The following CARM1 variants were observed in gnomAD, a reference collection of about 807,000 sequenced individuals.
CARM1 encodes histone-arginine methyltransferase CARM1.
In CARM1, 14 loss-of-function variants were observed where a neutral mutation model predicts 72.7. The ratio of observed to expected loss-of-function variants is 0.19; its 90% CI spans 0.13 to 0.30. The LOEUF is 0.30. Ranked by LOEUF, CARM1 falls within the 10% of genes least tolerant of loss-of-function variation. CARM1 has a pLI of 1.00. For missense variants in CARM1, 432 were observed against 833.7 expected (o/e 0.52, Z 5.93); for synonymous variants, 333 against 345.5 (o/e 0.96, Z 0.40).
intron 1 of CARM1, among the ~76,000 whole-genome samples, chr19:10,881,949 CACTT>C (rs536907490): frequency 5.7e-4 from 87 of 151,994 alleles, no homozygotes; most frequent in African/African-American, 2.0e-3. Context: ...AATCAGCAAT[CACTT>C]AAAACAAGCT....
At chr19:10,889,645 C>A (rs114654481) in intron 1 of CARM1, among the ~76,000 whole-genome samples, 2,690 of 152,084 alleles carry the variant, frequency 0.018, 92 homozygotes, top group African/African-American at 0.062. Flanking sequence ...TGTTTATTAC[C>A]TTCTGTAATC....
intron 2 of CARM1, among the ~76,000 whole-genome samples, chr19:10,906,695 C>T (rs1568353305): frequency 6.6e-6 from 1 of 151,956 alleles, no homozygotes; most frequent in Admixed American, 6.6e-5. Flanking sequence ...GAACTCCTGA[C>T]CTCAGGTAAT....
intron 3 of CARM1, chr19:10,908,837 T>A (rs890449460): frequency 2.9e-6 from 1 of 347,754 alleles, no homozygotes; most frequent in Non-Finnish European, 5.4e-6. Flanking sequence ...TGGCAAATCT[T>A]GAGTTCTCCT....
intron 1 of CARM1, among the ~76,000 whole-genome samples, chr19:10,899,262 G>A (rs950308150): frequency 1.3e-5 from 2 of 152,202 alleles, no homozygotes; most frequent in African/African-American, 4.8e-5. Flanking sequence ...CACAGGTCCT[G>A]TAGTTGCCTG....
intron 1 of CARM1, among the ~76,000 whole-genome samples, chr19:10,904,253 A>G (rs1018588344): frequency 1.3e-5 from 2 of 152,232 alleles, no homozygotes; most frequent in African/African-American, 4.8e-5. Flanking sequence ...AGAATACTAC[A>G]GATGATGCAC....
At chr19:10,888,256 C>A (rs1366859562) in intron 1 of CARM1, among the ~76,000 whole-genome samples, 1 of 152,154 alleles carries the variant, frequency 6.6e-6, no homozygotes, top group African/African-American at 2.4e-5. Flanking sequence ...TGGCATTGCC[C>A]AGGCCCAGAG....
chr19:10,914,193 CA>C, intron 6 of CARM1, 139 bp downstream of exon 6: 1 of 846,580 alleles, frequency 1.2e-6, no homozygotes, highest in Non-Finnish European at 1.8e-6. Flanking sequence ...CCCCCGCTCC[CA>C]CCCCAACCCC....
intron 1 of CARM1, among the ~76,000 whole-genome samples, chr19:10,884,341 CAAAA>C (rs553780774): frequency 1.3e-5 from 1 of 79,606 alleles, no homozygotes; most frequent in African/African-American, 4.8e-5. Context: ...AACTCCGTCT[CAAAA>C]AAAAAAAAAA....
intron 1 of CARM1, among the ~76,000 whole-genome samples, chr19:10,873,861 G>C (rs1468261256): frequency 2.0e-5 from 3 of 151,664 alleles, no homozygotes; most frequent in Non-Finnish European, 4.4e-5. Context: ...GGATGGTCTT[G>C]ATCTCCTGAC....
rs1481451845 is a variant in CARM1, at chr19:10,920,144, A to ATG, written c.1196+190_1196+191dup. 7.9e-6 allele frequency among the ~76,000 whole-genome samples: 1 copy of ATG among 126,906 alleles called. No homozygotes were observed. Among genetic ancestry groups the ATG allele is most frequent in the Non-Finnish European group, 1.7e-5 (1 of 59,096 alleles). 83.3% of individuals were successfully genotyped at this position (126,906 alleles called of 152,430 possible). Reference sequence around the variant, plus strand: ...GTGGGGTGTGTGTGTGTGTGTGTGTATGTGTGTGTGTGTCCTGTGTTCCCA... The same window carrying ATG: ...GTGGGGTGTGTGTGTGTGTGTGTGTATGTGTGTGTGTGTGTCCTGTGTTCCCA... On this transcript the variant is annotated intron_variant, in intron 10 of 15. Transcript: ENST00000327064. This position sits in a 1 kb window ranked among gnomAD's most constrained non-coding sequence, Gnocchi z 5.3.
chr19:10,886,480 G>A (rs905958005), intron 1 of CARM1, among the ~76,000 whole-genome samples: 1 of 151,812 alleles, frequency 6.6e-6, no homozygotes, highest in Non-Finnish European at 1.5e-5. Context: ...ACAGGCGTGA[G>A]TCACCATGCC....
At chr19:10,917,961 C>T (rs184558814) in intron 8 of CARM1, among the ~76,000 whole-genome samples, 143 of 152,286 alleles carry the variant, frequency 9.4e-4, no homozygotes, top group African/African-American at 3.3e-3. Flanking sequence ...ATCCGCCTGC[C>T]TCGGCCTCCC....
intron 9 of CARM1, 68 bp downstream of exon 9, chr19:10,919,748 C>T (rs938664411): frequency 6.6e-7 from 1 of 1,525,764 alleles, no homozygotes; most frequent in African/African-American, 1.4e-5. Flanking sequence ...CCCCTGGCTC[C>T]CGCCGGCATC....
intron 1 of CARM1, among the ~76,000 whole-genome samples, chr19:10,879,723 C>T (rs528314466): frequency 3.3e-5 from 5 of 152,316 alleles, no homozygotes; most frequent in Admixed American, 2.0e-4. Context: ...AAGTCATTCT[C>T]CTGCATCAGA....
At chr19:10,911,052 G>A (rs1369688771) in intron 4 of CARM1, among the ~76,000 whole-genome samples, 2 of 151,820 alleles carry the variant, frequency 1.3e-5, no homozygotes, top group South Asian at 2.1e-4. Context: ...CACCATGCCC[G>A]GCTAATTTTT....
chr19:10,908,992 C>T (rs748035892), intron 3 of CARM1, 111 bp from the exon 4 acceptor site: 34 of 746,938 alleles, frequency 4.6e-5, no homozygotes, highest in Non-Finnish European at 7.4e-5. Flanking sequence ...CACGACCTCC[C>T]GAGGGAGGTT....
At chr19:10,904,064 A>G (rs1238561100) in intron 1 of CARM1, among the ~76,000 whole-genome samples, 1 of 152,110 alleles carries the variant, frequency 6.6e-6, no homozygotes, top group Non-Finnish European at 1.5e-5. Context: ...CCCACTTTGC[A>G]TTGCATTGGG....
At chr19:10,913,141 G>A (rs2074167105) in intron 5 of CARM1, among the ~76,000 whole-genome samples, 3 of 151,938 alleles carry the variant, frequency 2.0e-5, no homozygotes, top group Admixed American at 2.0e-4. Context: ...GTCTCACTCT[G>A]TTGCTCAGGC....
chr19:10,912,966 G>A lies in CARM1; in HGVS notation c.669+672G>A, dbSNP rs1039236891. Among the ~76,000 whole-genome samples the A allele has an allele frequency of 9.9e-5, 15 of 152,162 alleles. No individual in the cohort carries two copies. The highest frequency in any genetic ancestry group is 3.2e-3 in the Middle Eastern group (1 of 314). Reference sequence around the variant, plus strand: ...TAGCCCTGGAATCGCTGGGTTGGGGGTGCATCCAGCTTTAGCTTTGGTGGC... The same window carrying A: ...TAGCCCTGGAATCGCTGGGTTGGGGATGCATCCAGCTTTAGCTTTGGTGGC... On this transcript the variant is annotated intron_variant, in intron 5 of 15. Transcript: ENST00000327064. The surrounding 1 kb of genome is among the most constrained non-coding windows in gnomAD (Gnocchi z 4.5).
Sources: allele counts gnomAD v4.1 joint callset (sites outside exome capture counted in the v4.1 genomes callset), GRCh38; gene constraint gnomAD v4.1.1; non-coding constraint Gnocchi (gnomAD v3.1); transcripts MANE v1.5; gene names NCBI Gene and HGNC (gene_info 2026-07-23, HGNC 2026-07-21).